The following MECOM variants were observed in gnomAD, a reference collection of about 807,000 sequenced individuals.
The protein encoded by MECOM is MDS1 and EVI1 complex locus, also known as histone-lysine N-methyltransferase MECOM.
Under a neutral mutation model 116.3 loss-of-function variants are expected in MECOM, and 13 were observed. The ratio of observed to expected loss-of-function variants is 0.11; its 90% CI spans 0.07 to 0.18. The LOEUF (loss-of-function observed/expected upper bound fraction) is 0.18. Among genes scored for constraint, MECOM ranks in the 10% least tolerant of loss-of-function variants. MECOM has a pLI of 1.00. For synonymous variants in MECOM, 528 were observed against 535.2 expected, an observed-to-expected ratio of 0.99 and a Z score of 0.19; for missense variants, 1,299 against 1,509.0, an observed-to-expected ratio of 0.86 and a Z score of 2.31.
intron 1 of MECOM, among the ~76,000 whole-genome samples, chr3:169,634,956 T>C (rs1772541198): frequency 6.6e-6 from 1 of 151,844 alleles, no homozygotes. Context: ...TGTTGGGTCG[T>C]TCCAAGCAGA....
chr3:169,436,572 A>G lies in MECOM; in HGVS notation c.38-55048T>C, dbSNP rs117863378. 1.8e-3 allele frequency among the ~76,000 whole-genome samples: 275 copies of G among 152,220 alleles called. 5 individuals are homozygous for G. The East Asian group carries it at 0.048, about 26-fold the overall frequency. ...GCCCTAAATGGCTTTTCTACACGTC[A>G]GTTTCTTCAATACGATTTGGATTAG... On this transcript the variant is annotated intron_variant, in intron 1 of 16. Transcript: ENST00000651503.
intron 12 of MECOM, among the ~76,000 whole-genome samples, chr3:169,095,530 C>G (rs549650047): frequency 6.6e-6 from 1 of 152,200 alleles, no homozygotes; most frequent in African/African-American, 2.4e-5. Context: ...TAAAATAAAG[C>G]ACATTGAGGA....
chr3:169,648,903 C>T (rs947722017), intron 1 of MECOM, among the ~76,000 whole-genome samples: 1 of 152,130 alleles, frequency 6.6e-6, no homozygotes, highest in Non-Finnish European at 1.5e-5. Flanking sequence ...CAGTGGTGCT[C>T]TTGTAAGTGG....
intron 2 of MECOM, among the ~76,000 whole-genome samples, chr3:169,357,180 G>A (rs1375954090): frequency 1.3e-5 from 2 of 151,898 alleles, no homozygotes; most frequent in East Asian, 3.9e-4. Flanking sequence ...CTCTTTATTA[G>A]GAATCCTGGG....
intron 1 of MECOM, among the ~76,000 whole-genome samples, chr3:169,521,795 C>T (rs1013602564): frequency 1.8e-4 from 28 of 152,266 alleles, no homozygotes; most frequent in Admixed American, 2.6e-4. Context: ...TATTCATATC[C>T]GTGGGTTCCA....
At chr3:169,626,648 G>A (rs1771410464) in intron 1 of MECOM, among the ~76,000 whole-genome samples, 1 of 152,102 alleles carries the variant, frequency 6.6e-6, no homozygotes, top group Non-Finnish European at 1.5e-5. Context: ...AGTTTTAAAG[G>A]ATTGAGCAGC....
Position 169,482,132 on chromosome 3 carries a change from C to T in MECOM, c.38-100608G>A, listed in dbSNP as rs535324098. ...GTGAAATAACAGTTTCTTTTACCTC[C>T]ACCACGATCTTATTAGAGAAAAAAA... On this transcript the variant is annotated intron_variant, in intron 1 of 16. Coordinates refer to ENST00000651503, the MANE Select transcript of MECOM (RefSeq NM_004991.4). Among the ~76,000 whole-genome samples, 4 of 151,826 alleles carry T rather than the reference C, an allele frequency of 2.6e-5. No homozygotes were observed. In the East Asian group the frequency reaches 5.9e-4, roughly 22 times the overall value.
Position 169,147,687 on chromosome 3 carries a change from C to A in MECOM, c.376-3855G>T, listed in dbSNP as rs888284637. On this transcript the variant is annotated intron_variant, in intron 2 of 16. Transcript: ENST00000651503. ...TTTCTTTCCCCAGGGAAATAGCCTC[C>A]GTTTCGATGTCTTGAAAGCACAAGT... is the stretch of plus-strand genomic sequence containing the variant. The A allele has an allele frequency of 4.1e-6, 4 of 984,522 alleles. No homozygotes were observed. In the South Asian group the frequency reaches 1.9e-4, roughly 46 times the overall value. The allele number at this position is 984,522 out of a possible 1,614,324, so 61.0% of individuals were successfully genotyped here.
intron 1 of MECOM, among the ~76,000 whole-genome samples, chr3:169,485,945 G>T (rs368840078): frequency 1.7e-4 from 5 of 28,952 alleles, no homozygotes; most frequent in Admixed American, 1.2e-3. Context: ...ATATATGTAT[G>T]TATATATGTA....
chr3:169,477,128 TATATATATATATATATATATACAC>T (rs1560327035), intron 1 of MECOM: 1,759 of 95,752 alleles, frequency 0.018, 59 homozygotes, highest in African/African-American at 0.072. Flanking sequence ...TATATATATA[TATATATATATATATATATATACAC>T]ACACACACAA....
intron 1 of MECOM, among the ~76,000 whole-genome samples, chr3:169,575,108 T>C (rs1030325878): frequency 6.6e-6 from 1 of 152,146 alleles, no homozygotes; most frequent in Non-Finnish European, 1.5e-5. Flanking sequence ...GGGAAAAATA[T>C]ACCTGTTGCT....
chr3:169,612,409 T>C (rs1258372042), intron 1 of MECOM, among the ~76,000 whole-genome samples: 5 of 152,160 alleles, frequency 3.3e-5, no homozygotes, highest in Non-Finnish European at 5.9e-5. Context: ...CTAACTAAAA[T>C]GTCTCACTTT....
At chr3:169,150,130 T>C (rs1740964687) in intron 2 of MECOM, among the ~76,000 whole-genome samples, 2 of 152,176 alleles carry the variant, frequency 1.3e-5, no homozygotes, top group South Asian at 2.1e-4. Flanking sequence ...GATAGGGTTC[T>C]GAAATCCCAC....
At chr3:169,445,767 C>T (rs563985275) in intron 1 of MECOM, among the ~76,000 whole-genome samples, 2 of 152,326 alleles carry the variant, frequency 1.3e-5, no homozygotes, top group South Asian at 4.1e-4. Flanking sequence ...GAGAGAGGCT[C>T]TACCCTGCAA....
chr3:169,596,649 C>T (rs1335398570), intron 1 of MECOM, among the ~76,000 whole-genome samples: 2 of 151,994 alleles, frequency 1.3e-5, no homozygotes, highest in East Asian at 1.9e-4. Context: ...GCTCACCATA[C>T]AGCACAGTAA....
chr3:169,415,890 C>A lies in MECOM; in HGVS notation c.38-34366G>T, dbSNP rs138422633. Among the ~76,000 whole-genome samples the A allele has an allele frequency of 1.6e-3, 248 of 152,158 alleles. 3 individuals are homozygous for A. Among genetic ancestry groups the A allele is most frequent in the African/African-American group, 5.2e-3 (214 of 41,504 alleles). On this transcript the variant is annotated intron_variant, in intron 1 of 16. Coordinates refer to ENST00000651503, the MANE Select transcript of MECOM (RefSeq NM_004991.4). ...ATTCATAAAGCAAGTTCTTAGGGACCTACAAAGAGACTTAGACTCCAACAC... is the reference window on the plus strand; with the variant it reads ...ATTCATAAAGCAAGTTCTTAGGGACATACAAAGAGACTTAGACTCCAACAC...
chr3:169,112,787 T>C lies in MECOM; in HGVS notation c.2577A>G (p.Gln859=), dbSNP rs1330651487. 1.9e-6 allele frequency: 3 copies of C among 1,611,050 alleles called. No homozygotes were observed. Among genetic ancestry groups the C allele is most frequent in the Non-Finnish European group, 2.5e-6 (3 of 1,177,870 alleles). ...RPSPGFLFHP[Q]FQLPDQRTWM... is the part of the protein sequence containing the mutation. ...GAAATCTCAAATCCAAAATACTTAC[T>C]TGTGGGTGAAACAAGAATCCTGGAG... Residue 859 remains glutamine (Q), a splice_region_variant and synonymous_variant, in exon 9 of 17, where the codon CAA becomes CAG. Coordinates refer to ENST00000651503, the MANE Select transcript of MECOM (RefSeq NM_004991.4).
At chr3:169,647,992 C>T (rs1163057456) in intron 1 of MECOM, among the ~76,000 whole-genome samples, 1 of 151,890 alleles carries the variant, frequency 6.6e-6, no homozygotes, top group Non-Finnish European at 1.5e-5. Flanking sequence ...GATGATCACG[C>T]CTAAGAAAAA....
chr3:169,097,821 A>AAAAAAAAAAAAAAAG (rs1722163755), intron 12 of MECOM, among the ~76,000 whole-genome samples: 1 of 66,156 alleles, frequency 1.5e-5, no homozygotes, highest in Non-Finnish European at 3.0e-5. Context: ...TCTATATAAA[A>AAAAAAAAAAAAAAAG]AAAAAAAAAA....
Sources: allele counts gnomAD v4.1 joint callset (sites outside exome capture counted in the v4.1 genomes callset), GRCh38; gene constraint gnomAD v4.1.1; transcripts MANE v1.5; gene names NCBI Gene and HGNC (gene_info 2026-07-23, HGNC 2026-07-21).